PJA2: variants seen among roughly 807,000 people sequenced by gnomAD.
PJA2 encodes the protein E3 ubiquitin-protein ligase Praja-2.
In PJA2, 25 loss-of-function variants were observed where a neutral mutation model predicts 69.3. The ratio of observed to expected loss-of-function variants is 0.36; its 90% confidence interval spans 0.26 to 0.50. The LOEUF (loss-of-function observed/expected upper bound fraction) is 0.50, where lower values mean the gene tolerates loss of function less well. Ranked by LOEUF, PJA2 falls within the 20% of genes least tolerant of loss-of-function variation. PJA2 has a pLI of 0.96. For synonymous variants in PJA2, 308 were observed against 277.8 expected, an observed-to-expected ratio of 1.11 and a Z score of -1.08; for missense variants, 809 against 830.2, an observed-to-expected ratio of 0.97 and a Z score of 0.31.
chr5:109,340,653 C>T (rs192943133), intron 9 of PJA2, among the ~76,000 whole-genome samples: 62 of 2,644 alleles, frequency 0.023, 13 homozygotes, highest in South Asian at 0.14. Context: ...CCTCCCCCTC[C>T]CCCTCCCCCT....
chr5:109,353,045 A>C (rs187562137), intron 7 of PJA2, among the ~76,000 whole-genome samples: 35 of 130,542 alleles, frequency 2.7e-4, no homozygotes, highest in African/African-American at 9.1e-4. Flanking sequence ...TTAGATACCT[A>C]TATCATAGAC....
At chr5:109,396,498 C>G (rs1747415344) in intron 1 of PJA2, among the ~76,000 whole-genome samples, 1 of 142,058 alleles carries the variant, frequency 7.0e-6, no homozygotes, top group Non-Finnish European at 1.5e-5. Context: ...GTGATCTCGG[C>G]TCACTGCAAC....
intron 1 of PJA2, among the ~76,000 whole-genome samples, chr5:109,404,185 A>T (rs182332156): frequency 2.9e-4 from 44 of 152,266 alleles, no homozygotes; most frequent in Middle Eastern, 3.4e-3. Flanking sequence ...TAGGACTCCT[A>T]TAACAAGCTC....
intron 9 of PJA2, among the ~76,000 whole-genome samples, chr5:109,339,804 C>A (rs1397921216): frequency 6.6e-6 from 1 of 152,212 alleles, no homozygotes; most frequent in Non-Finnish European, 1.5e-5. Flanking sequence ...GGATTACCTA[C>A]TTCAACTCTT....
intron 1 of PJA2, among the ~76,000 whole-genome samples, chr5:109,405,990 T>C (rs953837188): frequency 1.3e-5 from 2 of 151,254 alleles, no homozygotes. Flanking sequence ...GTCAAATGAG[T>C]TGTATAAAGA....
At chr5:109,361,300 G>T (rs768889726) in intron 6 of PJA2, among the ~76,000 whole-genome samples, 1 of 152,198 alleles carries the variant, frequency 6.6e-6, no homozygotes, top group Non-Finnish European at 1.5e-5. Flanking sequence ...CAGAAGTATA[G>T]AACAAGTTTT....
intron 1 of PJA2, among the ~76,000 whole-genome samples, chr5:109,386,802 C>T (rs79407668): frequency 6.6e-6 from 1 of 152,138 alleles, no homozygotes; most frequent in Admixed American, 6.6e-5. Context: ...CTCTGAAAGG[C>T]ACTGTGTCCT....
rs1232135650 is a variant in PJA2, at chr5:109,368,616, G to T, written c.1414C>A (p.Gln472Lys). The T allele has an allele frequency of 6.2e-7, 1 of 1,614,030 alleles. No individual in the cohort carries two copies. The highest frequency in any genetic ancestry group is 1.7e-5 in the Admixed American group (1 of 60,008). ...TCTTCAGGGCCACTGCTATCACTTT[G>T]TAGCTCAGGTTCATTCTCATCTTTT... ...PGKDENEPEL[Q>K]SDSSGPEEEN... The change falls in exon 5 of 10, where the codon CAA becomes AAA. Residue 472 changes from glutamine (Q) to lysine (K), a missense_variant. Transcript: ENST00000361189.
intron 4 of PJA2, among the ~76,000 whole-genome samples, chr5:109,373,018 C>G (rs1452902649): frequency 2.0e-5 from 3 of 151,266 alleles, no homozygotes; most frequent in African/African-American, 7.3e-5. Flanking sequence ...TGCTTGAACC[C>G]AGGAGGTGGA....
chr5:109,379,655 A>T (rs1400333376), intron 3 of PJA2, among the ~76,000 whole-genome samples: 1 of 152,232 alleles, frequency 6.6e-6, no homozygotes, highest in African/African-American at 2.4e-5. Context: ...AGGTAAAAAC[A>T]ACAACAAAAC....
chr5:109,362,276 G>A (rs991428892), intron 6 of PJA2, among the ~76,000 whole-genome samples: 3 of 152,174 alleles, frequency 2.0e-5, no homozygotes, highest in Non-Finnish European at 2.9e-5. Flanking sequence ...GCATTGTATC[G>A]TAAGAAGTAA....
intron 4 of PJA2, among the ~76,000 whole-genome samples, chr5:109,374,032 T>C (rs952694105): frequency 1.3e-5 from 2 of 152,230 alleles, no homozygotes; most frequent in Non-Finnish European, 2.9e-5. Flanking sequence ...AATATTTTGT[T>C]ATCTGACATA....
At chr5:109,366,956 A>G (rs886612416) in intron 5 of PJA2, among the ~76,000 whole-genome samples, 4 of 151,818 alleles carry the variant, frequency 2.6e-5, no homozygotes, top group Admixed American at 2.6e-4. Context: ...ACATGGTGAA[A>G]CCCCATCTCT....
At chr5:109,337,396 T>C (rs747099347) in intron 9 of PJA2, 40 bp from the exon 10 acceptor site, 1 of 1,541,564 alleles carries the variant, frequency 6.5e-7, no homozygotes, top group South Asian at 1.2e-5. Context: ...CAGAATCATC[T>C]TAACTGCCAC....
intron 4 of PJA2, among the ~76,000 whole-genome samples, chr5:109,376,009 A>G (rs1746876421): frequency 6.6e-6 from 1 of 152,208 alleles, no homozygotes; most frequent in South Asian, 2.1e-4. Context: ...TCTTAAGGCT[A>G]TGGATAAAAA....
intron 6 of PJA2, among the ~76,000 whole-genome samples, chr5:109,357,876 C>T (rs968313152): frequency 6.6e-6 from 1 of 152,214 alleles, no homozygotes; most frequent in Admixed American, 6.5e-5. Flanking sequence ...CAACTATCTC[C>T]CAATGATTCT....
chr5:109,364,361 C>T (rs1258498657), intron 5 of PJA2, among the ~76,000 whole-genome samples: 3 of 152,050 alleles, frequency 2.0e-5, no homozygotes, highest in Admixed American at 6.5e-5. Context: ...CGGTGGCTCA[C>T]GCCTGTAATC....
At chr5:109,395,963 G>A (rs1449281244) in intron 1 of PJA2, among the ~76,000 whole-genome samples, 1 of 146,736 alleles carries the variant, frequency 6.8e-6, no homozygotes, top group East Asian at 2.0e-4. Flanking sequence ...ATGCACCACT[G>A]CACTCCAGCT....
At chr5:109,353,517 T>C (rs999664230) in intron 7 of PJA2, among the ~76,000 whole-genome samples, 9 of 132,762 alleles carry the variant, frequency 6.8e-5, no homozygotes, top group East Asian at 2.1e-4. Context: ...TAGATATCTA[T>C]ATATTAGATA....
Sources: gnomAD v4.1 joint callset for allele counts (sites outside exome capture counted in the v4.1 genomes callset) on GRCh38, gnomAD v4.1.1 for gene constraint, MANE v1.5 for transcripts, NCBI Gene and HGNC (gene_info 2026-07-23, HGNC 2026-07-21) for gene names.